The following ATP10A variants were observed in gnomAD, a reference collection of about 807,000 sequenced individuals.
ATP10A encodes ATPase phospholipid transporting 10A (putative), also known as phospholipid-transporting ATPase VA.
Under a neutral mutation model 147.8 loss-of-function variants are expected in ATP10A, and 111 were observed. The ratio of observed to expected loss-of-function variants is 0.75; its 90% CI spans 0.64 to 0.88. The LOEUF (loss-of-function observed/expected upper bound fraction) is 0.88. Ranked by LOEUF, ATP10A falls within the 40% of genes least tolerant of loss-of-function variation. The pLI is 0.00. For synonymous variants in ATP10A, 875 were observed against 841.6 expected (o/e 1.04, Z -0.69); for missense variants, 1,927 against 1,959.0 (o/e 0.98, Z 0.31).
chr15:25,750,704 TATGATGATGATG>T (rs56087263), intron 2 of ATP10A, among the ~76,000 whole-genome samples: 104,770 of 150,844 alleles, frequency 0.69, 38,851 homozygotes, highest in Non-Finnish European at 0.85. Context: ...AACATATATA[TATGATGATGATG>T]ATGATGATGA....
chr15:25,706,907 G>A (rs1035205351), intron 12 of ATP10A, among the ~76,000 whole-genome samples: 17 of 152,294 alleles, frequency 1.1e-4, no homozygotes, highest in African/African-American at 3.8e-4. Context: ...ACTGTCTTCC[G>A]GGGAAGCCCA....
chr15:25,723,814 T>C, intron 6 of ATP10A, 77 bp downstream of exon 6: 1 of 1,307,346 alleles, frequency 7.6e-7, no homozygotes, highest in Admixed American at 2.9e-5. Flanking sequence ...TTATAGGAAA[T>C]TCTGAACAGA....
intron 1 of ATP10A, among the ~76,000 whole-genome samples, chr15:25,810,013 CAA>C (rs56870055): frequency 3.6e-5 from 5 of 139,324 alleles, no homozygotes; most frequent in Admixed American, 7.1e-5. Context: ...AAGGTCATTA[CAA>C]AAAAAAAAAA....
At chr15:25,705,341 C>T (rs994604427) in intron 12 of ATP10A, among the ~76,000 whole-genome samples, 17 of 149,990 alleles carry the variant, frequency 1.1e-4, no homozygotes, top group Admixed American at 2.0e-4. Context: ...GAGGCTGAGG[C>T]GGGAGGATCA....
intron 17 of ATP10A, among the ~76,000 whole-genome samples, chr15:25,682,831 G>A (rs1323776063): frequency 5.3e-5 from 8 of 152,214 alleles, no homozygotes; most frequent in Non-Finnish European, 1.2e-4. Context: ...CTATTTTAAT[G>A]GCTGGCTAGA....
intron 13 of ATP10A, among the ~76,000 whole-genome samples, chr15:25,697,571 C>G (rs1380469656): frequency 1.3e-5 from 2 of 152,194 alleles, no homozygotes; most frequent in African/African-American, 2.4e-5. Context: ...AACAGAGAGA[C>G]AGACAGTCTT....
At chr15:25,724,509 C>T (rs1902430804) in intron 5 of ATP10A, among the ~76,000 whole-genome samples, 1 of 152,232 alleles carries the variant, frequency 6.6e-6, no homozygotes, top group Non-Finnish European at 1.5e-5. Context: ...CCACACCTGT[C>T]TGGTCACAGA....
At chr15:25,827,313 G>C (rs1259218012) in intron 1 of ATP10A, among the ~76,000 whole-genome samples, 1 of 152,194 alleles carries the variant, frequency 6.6e-6, no homozygotes, top group East Asian at 1.9e-4. Flanking sequence ...ACTGTAACTT[G>C]AATAGATCAG....
chr15:25,700,236 G>A (rs545131071), intron 13 of ATP10A, among the ~76,000 whole-genome samples: 28 of 152,322 alleles, frequency 1.8e-4, no homozygotes, highest in African/African-American at 6.5e-4. Context: ...ATGACAATGC[G>A]AAGTGCTGGA....
chr15:25,741,457 A>T (rs7177073), intron 2 of ATP10A, among the ~76,000 whole-genome samples: 68,172 of 152,046 alleles, frequency 0.45, 15,583 homozygotes, highest in East Asian at 0.61. Flanking sequence ...AATGATTTCT[A>T]CATAGCCTCT....
rs1221375470 is a variant in ATP10A at position 25,721,602 on chromosome 15, A to T, written c.1363+55T>A. The T allele has an allele frequency of 1.8e-5, 29 of 1,568,704 alleles. No individual in the cohort carries two copies. The East Asian group carries it at 6.3e-4, about 34-fold the overall frequency. On this transcript the variant is annotated intron_variant, in intron 7 of 20. Coordinates refer to ENST00000555815, the MANE Select transcript of ATP10A (RefSeq NM_024490.4). The stretch of plus-strand genomic sequence containing the variant: ...TGTGTGTGTCTCCAAACAATTCTGG[A>T]TAGGGCAGCTTTCTGGTTCAGCCTG...
At chr15:25,846,851 A>G (rs542259379) in intron 1 of ATP10A, among the ~76,000 whole-genome samples, 13 of 152,254 alleles carry the variant, frequency 8.5e-5, no homozygotes, top group Non-Finnish European at 1.8e-4. Flanking sequence ...TTTCATTTAT[A>G]TTTTGTATGT....
At chr15:25,849,551 G>T (rs1016986489) in intron 1 of ATP10A, among the ~76,000 whole-genome samples, 4 of 152,140 alleles carry the variant, frequency 2.6e-5, no homozygotes, top group African/African-American at 9.7e-5. Flanking sequence ...ATTAAGTCTG[G>T]CCAGACGCTT....
At chr15:25,703,908 C>A (rs1900818888) in intron 12 of ATP10A, among the ~76,000 whole-genome samples, 1 of 152,192 alleles carries the variant, frequency 6.6e-6, no homozygotes, top group African/African-American at 2.4e-5. Flanking sequence ...AACATTGCAC[C>A]CATGCTGCAC....
rs993520196 is a variant in ATP10A, at chr15:25,678,865, T to C, written c.*476A>G. On this transcript the variant is annotated 3_prime_UTR_variant, in exon 21 of 21. Coordinates refer to ENST00000555815, the MANE Select transcript of ATP10A (RefSeq NM_024490.4). ...CTGTGAATTTTTCTTGAGGTCTTCCTTTCCTTCATCTGGATGAAGTGGAGC... is the reference window on the plus strand; with the variant it reads ...CTGTGAATTTTTCTTGAGGTCTTCCCTTCCTTCATCTGGATGAAGTGGAGC... 1.1e-4 allele frequency: 16 copies of C among 152,316 alleles called. No homozygotes were observed. The highest frequency in any genetic ancestry group is 3.9e-4 in the African/African-American group (16 of 41,452). 9.4% of individuals were successfully genotyped at this position (152,316 alleles called of 1,614,324 possible). A position where few individuals can be genotyped will look rare whatever the true frequency, so the allele number is the denominator to read the frequency against.
At chr15:25,791,084 G>GT (rs66598588) in intron 1 of ATP10A, among the ~76,000 whole-genome samples, 24,419 of 129,514 alleles carry the variant, frequency 0.19, 2,501 homozygotes, top group South Asian at 0.3. Context: ...CCCTGCAAGT[G>GT]TTTTTTTTTT....
At chr15:25,782,495 A>C (rs1889971814) in intron 1 of ATP10A, among the ~76,000 whole-genome samples, 2 of 152,200 alleles carry the variant, frequency 1.3e-5, no homozygotes, top group African/African-American at 2.4e-5. Context: ...CGTAATAAAA[A>C]ATAATTAAAA....
chr15:25,806,604 A>T (rs540185612), intron 1 of ATP10A, among the ~76,000 whole-genome samples: 2 of 152,024 alleles, frequency 1.3e-5, no homozygotes, highest in South Asian at 4.1e-4. Context: ...GAGCCACCGC[A>T]CCCAGCCAAG....
intron 15 of ATP10A, among the ~76,000 whole-genome samples, chr15:25,690,504 T>A (rs1282552769): frequency 6.6e-6 from 1 of 152,244 alleles, no homozygotes; most frequent in African/African-American, 2.4e-5. Context: ...CCTTCCAAAG[T>A]ACTGAAATTA....
Sources: allele counts gnomAD v4.1 joint callset (sites outside exome capture counted in the v4.1 genomes callset), GRCh38; gene constraint gnomAD v4.1.1; transcripts MANE v1.5; gene names NCBI Gene and HGNC (gene_info 2026-07-23, HGNC 2026-07-21).